Variants in FLII observed in about 807,000 individuals in gnomAD.
The protein encoded by FLII is FLII actin remodeling protein.
In FLII, 101 loss-of-function variants were observed where a neutral mutation model predicts 156.2. The ratio of observed to expected loss-of-function variants is 0.65; its 90% CI spans 0.55 to 0.76. The LOEUF is 0.76. Among genes scored for constraint, FLII ranks in the 30% least tolerant of loss-of-function variants. FLII has a pLI of 0.00. For missense variants in FLII, 1,675 were observed against 1,682.8 expected (o/e 1.00, Z 0.08); for synonymous variants, 767 against 685.8 (o/e 1.12, Z -1.85).
Position 18,249,136 on chromosome 17 carries a change from A to G in FLII, c.1925T>C (p.Leu642Pro). Residue 642 changes from leucine to proline, a missense_variant, in exon 16 of 30, where the codon CTG (leucine) becomes CCG (proline). Around this residue, in one of 2 missense-constraint regions of FLII, gnomAD observed 1,332 missense variants for 1,269.3 expected, o/e 1.05. Coordinates refer to ENST00000327031, the MANE Select transcript of FLII (RefSeq NM_002018.4). ...LEPVPLKGTS[L>P]DPRFVFLLDR... is the part of the protein sequence containing the mutation. ...CATTGTTGGGGCTCACCTTGGGTCCAGAGAGGTCCCCTTGAGGGGCACAGG... is the reference window on the plus strand; with the variant it reads ...CATTGTTGGGGCTCACCTTGGGTCCGGAGAGGTCCCCTTGAGGGGCACAGG... 6.2e-7 allele frequency: 1 copy of G among 1,613,902 alleles called. No individual in the cohort carries two copies. The highest frequency in any genetic ancestry group is 8.5e-7 in the Non-Finnish European group (1 of 1,179,870).
At chr17:18,253,156 A>T in intron 9 of FLII, 145 bp downstream of exon 9, 1 of 893,882 alleles carries the variant, frequency 1.1e-6, no homozygotes. Flanking sequence ...TCTCAAAAAC[A>T]AAAAAGAAAA....
In FLII at chr17:18,251,745, C is replaced by G. The variant is rs1449953879; in HGVS notation, c.1318G>C (p.Asp440His). 1 of 1,613,916 alleles carries G rather than the reference C, an allele frequency of 6.2e-7. No individual in the cohort carries two copies. Among genetic ancestry groups the G allele is most frequent in the Non-Finnish European group, 8.5e-7 (1 of 1,180,042 alleles). The change falls in exon 12 of 30, where the codon GAC (aspartate) becomes CAC (histidine). Residue 440 changes from aspartate to histidine, a missense_variant. Physicochemically the swap from Asp to His is moderately conservative, Grantham distance 81 (BLOSUM62 -1). Around this residue, in one of 2 missense-constraint regions of FLII, gnomAD observed 1,332 missense variants for 1,269.3 expected, o/e 1.05. Coordinates refer to ENST00000327031, the MANE Select transcript of FLII (RefSeq NM_002018.4). ...LRRRKDSAQD[D>H]QAKQVLKGMS... ...CCCTTCAGCACCTGCTTGGCCTGGT[C>G]ATCCTGGGCTGAATCCTTGCGCCTC...
rs1437380717 is a variant in FLII, at chr17:18,251,005, C to T, written c.1609G>A (p.Asp537Asn). The change falls in exon 14 of 30, where the codon GAC (aspartate) becomes AAC (asparagine). Residue 537 changes from aspartate to asparagine, a missense_variant. Transcript: ENST00000327031. ...ATCTCCCAGTTGAGGGAGCCGCTGT[C>T]ATCCAGAAAGGTCTGGAAGCCAAGG... ...CYIVLKTFLD[D>N]SGSLNWEIYY... The T allele has an allele frequency of 6.2e-7, 1 of 1,613,218 alleles. No homozygotes were observed. Among genetic ancestry groups the T allele is most frequent in the Non-Finnish European group, 8.5e-7 (1 of 1,179,626 alleles).
rs763830084 is a variant in FLII at position 18,254,665 on chromosome 17, T to C, written c.431A>G (p.Asn144Ser). 18 of 1,613,774 alleles carry C rather than the reference T, an allele frequency of 1.1e-5. No individual in the cohort carries two copies. The South Asian group carries it at 1.9e-4, about 17-fold the overall frequency. Residue 144 changes from asparagine to serine, a missense_variant, in exon 6 of 30, where the codon AAC becomes AGC. Physicochemically the swap from Asn to Ser is conservative, Grantham distance 46. Around this residue, in one of 2 missense-constraint regions of FLII, gnomAD observed 343 missense variants for 413.5 expected, o/e 0.83. Transcript: ENST00000327031. ...LSHNSIDTIP[N>S]QLFINLTDLL... ...GTCAGTGAGGTTGATGAAGAGCTGG[T>C]TGGGGATGGTGTCGATGCTACGGGT... is the stretch of plus-strand genomic sequence containing the variant.
At chr17:18,250,661 T>G (rs947640872) in intron 14 of FLII, among the ~76,000 whole-genome samples, 177 bp downstream of exon 14, 2 of 152,150 alleles carry the variant, frequency 1.3e-5, no homozygotes, top group Non-Finnish European at 2.9e-5. Context: ...TTTGGCCACC[T>G]TAGACCTCAC....
In FLII at chr17:18,246,300, C is replaced by T. The variant is rs756287955; in HGVS notation, c.3206+8G>A. 3 of 1,613,902 alleles carry T rather than the reference C, an allele frequency of 1.9e-6. No homozygotes were observed. The highest frequency in any genetic ancestry group is 1.7e-6 in the Non-Finnish European group (2 of 1,180,022). On this transcript the variant is annotated splice_region_variant and intron_variant, in intron 24 of 29. Coordinates refer to ENST00000327031, the MANE Select transcript of FLII (RefSeq NM_002018.4). Reference sequence around the variant, plus strand: ...TGCTCGCCACTGCGTCCTCCCCCAGCCAGGCACCGGGTGCAGAGGGCGCTG... The same window carrying T: ...TGCTCGCCACTGCGTCCTCCCCCAGTCAGGCACCGGGTGCAGAGGGCGCTG...
At position 18,248,611 on chromosome 17, in the gene FLII, G is replaced by C; in HGVS notation, c.2129C>G (p.Pro710Arg). The change falls in exon 18 of 30, where the codon CCC (proline) becomes CGC (arginine). Residue 710 changes from proline (P) to arginine (R), a missense_variant. Transcript: ENST00000327031. ...AGGCACGTGCTTCTTGATCTCAGAG[G>C]GCTCCCCACCCAGTGCCTCCCAGAA... ...PEFWEALGGEPSEIKKHVPED... is the reference protein window; with the variant it reads ...PEFWEALGGERSEIKKHVPED... 1 of 1,613,706 alleles carries C rather than the reference G, an allele frequency of 6.2e-7. No homozygotes were observed. Among genetic ancestry groups the C allele is most frequent in the Non-Finnish European group, 8.5e-7 (1 of 1,179,932 alleles).
In FLII at chr17:18,245,580, A is replaced by T. The variant is rs779013656; in HGVS notation, c.3584T>A (p.Ile1195Asn). The change falls in exon 28 of 30, where the codon ATC becomes AAC. Residue 1195 changes from isoleucine to asparagine, a missense_variant. Transcript: ENST00000327031. Reference protein sequence around the residue: ...FCQDDLADDDIMLLDNGQEVY... With the variant: ...FCQDDLADDDNMLLDNGQEVY... ...CTCTTGGCCATTGTCTAGCAACATG[A>T]TGTCATCATCTGCCAGGTCATCTTG... The T allele has an allele frequency of 1.5e-5, 25 of 1,613,778 alleles. No homozygotes were observed. Among genetic ancestry groups the T allele is most frequent in the Non-Finnish European group, 1.6e-5 (19 of 1,180,010 alleles).
rs1446751449 is a variant in FLII at position 18,249,351 on chromosome 17, C to T, written c.1834G>A (p.Val612Met). The change falls in exon 15 of 30, where the codon GTG becomes ATG. Residue 612 changes from valine to methionine, a missense_variant. By Grantham distance (21) the Val-to-Met change is conservative (BLOSUM62 1). This residue lies in a region of FLII where 1,332 missense variants were observed against 1,269.3 expected (regional missense o/e 1.05). Coordinates refer to ENST00000327031, the MANE Select transcript of FLII (RefSeq NM_002018.4). Reference sequence around the variant, plus strand: ...CTGGTGACATAGTGTGTGTCTTCCACAGTGTAGAAGCCACTGGCTGTTCCA... The same window carrying T: ...CTGGTGACATAGTGTGTGTCTTCCATAGTGTAGAAGCCACTGGCTGTTCCA... ...EGGTASGFYT[V>M]EDTHYVTRMY... The T allele has an allele frequency of 2.5e-6, 4 of 1,614,180 alleles. No individual in the cohort carries two copies. Among genetic ancestry groups the T allele is most frequent in the South Asian group, 1.1e-5 (1 of 91,078 alleles).
At chr17:18,257,353 C>A (rs1020588031) in intron 1 of FLII, 26 of 278,622 alleles carry the variant, frequency 9.3e-5, no homozygotes, top group African/African-American at 5.5e-4. Context: ...GCATTCCACA[C>A]TCTGACTGGC....
chr17:18,247,423 G>A, intron 20 of FLII, 66 bp from the exon 21 acceptor site: 2 of 1,450,000 alleles, frequency 1.4e-6, no homozygotes, highest in Non-Finnish European at 1.9e-6. Context: ...GAAGTAGCCC[G>A]AGGCTTGAGG....
At chr17:18,245,494 C>G (rs2048006711) in intron 28 of FLII, 61 bp downstream of exon 28, 1 of 1,611,812 alleles carries the variant, frequency 6.2e-7, no homozygotes, top group Non-Finnish European at 8.5e-7. Flanking sequence ...CGAGAATTCC[C>G]ATTTGTAAGT....
intron 11 of FLII, 42 bp downstream of exon 11, chr17:18,251,957 G>C: frequency 6.2e-7 from 1 of 1,605,618 alleles, no homozygotes. Context: ...TTGAGGCCTG[G>C]AGAGGAGCCC....
chr17:18,247,328 G>C lies in FLII; in HGVS notation c.2517C>G (p.Asp839Glu). The change falls in exon 21 of 30, where the codon GAC becomes GAG. Residue 839 changes from aspartate to glutamate, a missense_variant. Around this residue, in one of 2 missense-constraint regions of FLII, gnomAD observed 1,332 missense variants for 1,269.3 expected, o/e 1.05. Coordinates refer to ENST00000327031, the MANE Select transcript of FLII (RefSeq NM_002018.4). ...QVFKAKFKNW[D>E]DVLTVDYTRN... is the part of the protein sequence containing the mutation. ...GTGTGTAGTCCACCGTCAACACATC[G>C]TCCCAATTCTTGAACTTGGCCTTGA... 1.2e-6 allele frequency: 2 copies of C among 1,606,890 alleles called. No individual in the cohort carries two copies. Among genetic ancestry groups the C allele is most frequent in the Non-Finnish European group, 8.5e-7 (1 of 1,177,622 alleles).
intron 9 of FLII, among the ~76,000 whole-genome samples, chr17:18,253,018 C>T (rs933464376): frequency 1.3e-5 from 2 of 152,180 alleles, no homozygotes; most frequent in African/African-American, 4.8e-5. Context: ...GGCGTGGTAG[C>T]GCACGCCTAT....
chr17:18,258,588 G>A lies in FLII; in HGVS notation c.63+40C>T, dbSNP rs2048500519. The stretch of plus-strand genomic sequence containing the variant: ...GCCAAGCGGGCCGGGCGGAAGAGAA[G>A]GCCTGCAGGGAGGCCCGGCACGCGC... On this transcript the variant is annotated intron_variant, in intron 1 of 29. Transcript: ENST00000327031. The surrounding 1 kb of genome is among the most constrained non-coding windows in gnomAD (Gnocchi z 4.2). 2 of 1,533,364 alleles carry A rather than the reference G, an allele frequency of 1.3e-6. No homozygotes were observed. Among genetic ancestry groups the A allele is most frequent in the South Asian group, 1.2e-5 (1 of 83,726 alleles). The allele number at this position is 1,533,364 out of a possible 1,614,324, so 95.0% of individuals were successfully genotyped here.
At chr17:18,254,957 A>C in intron 4 of FLII, 103 bp from the exon 5 acceptor site, 1 of 1,197,004 alleles carries the variant, frequency 8.4e-7, no homozygotes, top group Non-Finnish European at 1.2e-6. Context: ...GTGGGGGTAG[A>C]TGAGGGGGCT....
chr17:18,255,258 G>T lies in FLII; in HGVS notation c.252C>A (p.Ile84=), dbSNP rs778729733. ...TCTTCAGACTGTTGGCTCGGGCCAC[G>T]ATGGCCTGGGAATAAACCATAAGAG... ...ELSSLPSLRA[I]VARANSLKNS... The change falls in exon 4 of 30, where the codon ATC becomes ATA. Residue 84 remains isoleucine, a synonymous_variant. Transcript: ENST00000327031. 1.2e-6 allele frequency: 2 copies of T among 1,613,018 alleles called. No individual in the cohort carries two copies. The highest frequency in any genetic ancestry group is 1.7e-6 in the Non-Finnish European group (2 of 1,179,174).
rs2047979431 is a variant in FLII, at chr17:18,245,069, C to CTT, written c.*67_*68dup. 2.0e-6 allele frequency: 3 copies of CTT among 1,537,942 alleles called. No homozygotes were observed. Among genetic ancestry groups the CTT allele is most frequent in the East Asian group, 2.3e-5 (1 of 44,116 alleles). On this transcript the variant is annotated 3_prime_UTR_variant, in exon 30 of 30. Transcript: ENST00000327031. ...GCAGGTGGTGTCACCTGAGTACATT[C>CTT]TTTGCTAGCAGACAGTGGATGAGGC...
Sources: allele counts gnomAD v4.1 joint callset (sites outside exome capture counted in the v4.1 genomes callset), GRCh38; gene constraint gnomAD v4.1.1; regional missense constraint gnomAD v4.1.1; non-coding constraint Gnocchi (gnomAD v3.1); transcripts MANE v1.5; gene names NCBI Gene and HGNC (gene_info 2026-07-23, HGNC 2026-07-21).